TMBIM4: variants seen among roughly 807,000 people sequenced by gnomAD.
The protein encoded by TMBIM4 is protein lifeguard 4.
A neutral mutation model predicts 27.7 loss-of-function variants in TMBIM4; 28 were observed. The ratio of observed to expected loss-of-function variants is 1.01; its 90% CI spans 0.75 to 1.38. The LOEUF is 1.38. TMBIM4 is among the 40% of genes most tolerant of loss of function. The pLI, the probability that TMBIM4 is intolerant of heterozygous loss-of-function variation, is 0.00. For synonymous variants in TMBIM4, 115 were observed against 113.1 expected (o/e 1.02, Z -0.11); for missense variants, 265 against 277.5 (o/e 0.95, Z 0.32).
intron 1 of TMBIM4, chr12:66,169,618 C>G (rs1032688815): frequency 6.5e-6 from 3 of 462,298 alleles, no homozygotes; most frequent in East Asian, 3.5e-5. Flanking sequence ...AGGACAGCCG[C>G]AAGCCTTCTG....
intron 5 of TMBIM4, chr12:66,138,999 C>T (rs1359613066): frequency 1.4e-5 from 6 of 438,242 alleles, no homozygotes; most frequent in Non-Finnish European, 2.2e-5. Flanking sequence ...GGTATACAAA[C>T]CTAGTTAACA....
chr12:66,159,789 C>T lies in TMBIM4; in HGVS notation c.98-6341G>A, dbSNP rs2052004677. Among the ~76,000 whole-genome samples the T allele has an allele frequency of 2.6e-5, 4 of 152,160 alleles. No homozygotes were observed. In the South Asian group the frequency reaches 8.3e-4, roughly 31 times the overall value. ...CGCTAGAGGGTTATTTATTGCTTAC[C>T]TCTTTAGGGTCTGTCTTTCCTACTG... On this transcript the variant is annotated intron_variant, in intron 1 of 6. Coordinates refer to ENST00000358230, the MANE Select transcript of TMBIM4 (RefSeq NM_016056.4).
chr12:66,169,580 G>A (rs2052198377), intron 1 of TMBIM4: 1 of 452,602 alleles, frequency 2.2e-6, no homozygotes, highest in Non-Finnish European at 3.9e-6. Flanking sequence ...CTACACCGCG[G>A]CGCCCGCTGG....
intron 1 of TMBIM4, among the ~76,000 whole-genome samples, chr12:66,153,891 T>A (rs2051892453): frequency 6.6e-6 from 1 of 152,148 alleles, no homozygotes; most frequent in African/African-American, 2.4e-5. Context: ...TTCCCCCAAA[T>A]GAAACTTATC....
intron 1 of TMBIM4, among the ~76,000 whole-genome samples, chr12:66,165,677 T>C (rs1040300655): frequency 6.6e-6 from 1 of 152,208 alleles, no homozygotes; most frequent in Non-Finnish European, 1.5e-5. Flanking sequence ...CTTTTGTATA[T>C]TTTGGATAAC....
intron 1 of TMBIM4, among the ~76,000 whole-genome samples, chr12:66,161,443 G>C (rs2052039593): frequency 6.6e-6 from 1 of 152,166 alleles, no homozygotes; most frequent in African/African-American, 2.4e-5. Context: ...GTTTCACCGT[G>C]TTGCATAGGC....
rs1377450975 is a variant in TMBIM4, at chr12:66,136,798, G to A, written c.*1162C>T. 1.3e-5 allele frequency: 2 copies of A among 152,190 alleles called. No individual in the cohort carries two copies. The highest frequency in any genetic ancestry group is 6.5e-5 in the Admixed American group (1 of 15,272). The allele number at this position is 152,190 out of a possible 1,614,324, so 9.4% of individuals were successfully genotyped here. On this transcript the variant is annotated 3_prime_UTR_variant, in exon 7 of 7. Transcript: ENST00000358230. ...ACTGTGGGAAAACAAATTTCTTGTT[G>A]AAGCCACCCAAGCTGTAGAACTTTG...
chr12:66,147,692 CTTTTA>C (rs1482101950), intron 4 of TMBIM4, among the ~76,000 whole-genome samples: 1 of 152,086 alleles, frequency 6.6e-6, no homozygotes, highest in Non-Finnish European at 1.5e-5. Context: ...TTCTCCATTC[CTTTTA>C]TTTTTCTTTT....
intron 1 of TMBIM4, among the ~76,000 whole-genome samples, chr12:66,166,315 A>T (rs1013265833): frequency 6.6e-6 from 1 of 152,030 alleles, no homozygotes; most frequent in African/African-American, 2.4e-5. Flanking sequence ...AATATAAAAA[A>T]TTAGCTAGGC....
intron 1 of TMBIM4, among the ~76,000 whole-genome samples, chr12:66,165,375 G>A (rs1434697028): frequency 6.6e-6 from 1 of 150,964 alleles, no homozygotes; most frequent in Non-Finnish European, 1.5e-5. Flanking sequence ...ACAGACCAAT[G>A]GAATACAACA....
At chr12:66,161,559 C>T (rs2052041312) in intron 1 of TMBIM4, among the ~76,000 whole-genome samples, 1 of 152,176 alleles carries the variant, frequency 6.6e-6, no homozygotes, top group South Asian at 2.1e-4. Context: ...TTTGGTGGAG[C>T]ATTTTTAACC....
At chr12:66,141,722 A>T (rs982200920) in intron 5 of TMBIM4, among the ~76,000 whole-genome samples, 1 of 152,174 alleles carries the variant, frequency 6.6e-6, no homozygotes, top group African/African-American at 2.4e-5. Flanking sequence ...GGGCAATGAT[A>T]TTACTAGAGC....
Position 66,138,026 on chromosome 12 carries a change from G to C in TMBIM4, c.651C>G (p.Leu217=). Residue 217 remains leucine (L), a synonymous_variant, in exon 7 of 7, where the codon CTC becomes CTG. Transcript: ENST00000358230. Reference sequence around the variant, plus strand: ...GGAATAGATTGATGATATCCAAGTAGAGGCTGATGGCAGCTAATACGTACT... The same window carrying C: ...GGAATAGATTGATGATATCCAAGTACAGGCTGATGGCAGCTAATACGTACT... ...PEEYVLAAIS[L]YLDIINLFLH... The C allele has an allele frequency of 6.2e-7, 1 of 1,614,018 alleles. No homozygotes were observed. The highest frequency in any genetic ancestry group is 8.5e-7 in the Non-Finnish European group (1 of 1,180,020).
chr12:66,146,027 T>C, intron 4 of TMBIM4, 69 bp from the exon 5 acceptor site: 1 of 740,044 alleles, frequency 1.4e-6, no homozygotes, highest in South Asian at 1.9e-5. Context: ...TTTCTGGCAT[T>C]TTATAGAAAT....
intron 1 of TMBIM4, among the ~76,000 whole-genome samples, chr12:66,164,434 G>A (rs2052093019): frequency 6.6e-6 from 1 of 152,182 alleles, no homozygotes; most frequent in Non-Finnish European, 1.5e-5. Flanking sequence ...ACTGAAGGAA[G>A]ACAACATCAA....
At chr12:66,138,356 G>A (rs1024407566) in intron 6 of TMBIM4, 190 bp from the exon 7 acceptor site, 23 of 813,614 alleles carry the variant, frequency 2.8e-5, no homozygotes, top group Non-Finnish European at 3.4e-5. Context: ...AAGGATGAAT[G>A]AGTGGTTATA....
intron 5 of TMBIM4, chr12:66,139,699 G>A (rs530876119): frequency 1.3e-5 from 6 of 455,920 alleles, no homozygotes; most frequent in Non-Finnish European, 2.2e-5. Context: ...GAGCACTCTG[G>A]TGTATGCACA....
chr12:66,153,852 TGTCTTA>T (rs1565785922), intron 1 of TMBIM4, among the ~76,000 whole-genome samples: 4 of 152,190 alleles, frequency 2.6e-5, no homozygotes, highest in African/African-American at 4.8e-5. Context: ...AGTTTTTTTA[TGTCTTA>T]ATTTCAAAAA....
intron 6 of TMBIM4, chr12:66,138,378 T>A: frequency 1.6e-6 from 1 of 621,868 alleles, no homozygotes; most frequent in Non-Finnish European, 2.0e-6. Flanking sequence ...TCCATTAAAC[T>A]AAATTACCCA....
Sources: allele counts gnomAD v4.1 joint callset (sites outside exome capture counted in the v4.1 genomes callset), GRCh38; gene constraint gnomAD v4.1.1; transcripts MANE v1.5; gene names NCBI Gene and HGNC (gene_info 2026-07-23, HGNC 2026-07-21).